The following SIMC1 variants were observed in gnomAD, a reference collection of about 807,000 sequenced individuals.
The protein encoded by SIMC1 is SUMO interacting motifs containing 1.
SIMC1 carries 55 observed loss-of-function variants against 82.3 expected under a neutral mutation model. The ratio of observed to expected loss-of-function variants is 0.67; its 90% CI spans 0.54 to 0.84. SIMC1 has a LOEUF of 0.84. SIMC1 is among the 40% of genes least tolerant of loss of function. The pLI is 0.00. For synonymous variants in SIMC1, 353 were observed against 426.3 expected (o/e 0.83, Z 2.12); for missense variants, 915 against 1,107.2 (o/e 0.83, Z 2.46).
chr5:176,276,021 T>C lies in SIMC1; in HGVS notation c.130-13633T>C, dbSNP rs374868326. Among the ~76,000 whole-genome samples, 24 of 151,794 alleles carry C rather than the reference T, an allele frequency of 1.6e-4. 2 individuals carry two copies. The highest frequency in any genetic ancestry group is 1.5e-3 in the East Asian group (8 of 5,188). The stretch of plus-strand genomic sequence containing the variant: ...TAGGGAGGATTCCCTCATTTTCTAT[T>C]GATTGGAATAGTTTCAGAAGGAATG... On this transcript the variant is annotated intron_variant, in intron 1 of 9. Coordinates refer to ENST00000429602, the MANE Select transcript of SIMC1 (RefSeq NM_001308195.2).
At position 176,290,075 on chromosome 5, in the gene SIMC1, C is replaced by T; in HGVS notation, c.551C>T (p.Ser184Phe). Residue 184 changes from serine to phenylalanine, a missense_variant, in exon 2 of 10, where the codon TCC (serine) becomes TTC (phenylalanine). By Grantham distance (155) the Ser-to-Phe change is radical (BLOSUM62 -2). Coordinates refer to ENST00000429602, the MANE Select transcript of SIMC1 (RefSeq NM_001308195.2). Reference protein sequence around the residue: ...ASLQLSSDVSSLSPTSNNSRS... With the variant: ...ASLQLSSDVSFLSPTSNNSRS... ...CTACAGCTGTCTTCAGATGTTAGCT[C>T]CCTCTCCCCAACAAGCAATAATAGT... 2.5e-6 allele frequency: 4 copies of T among 1,608,680 alleles called. No individual in the cohort carries two copies. Among genetic ancestry groups the T allele is most frequent in the Non-Finnish European group, 3.4e-6 (4 of 1,177,342 alleles).
At chr5:176,322,886 G>A (rs1415072981) in intron 6 of SIMC1, 1 of 154,356 alleles carries the variant, frequency 6.5e-6, no homozygotes, top group Non-Finnish European at 1.4e-5. Flanking sequence ...ACACACCAGG[G>A]CAGGTATCAT....
chr5:176,331,645 A>G (rs900661060), intron 7 of SIMC1, among the ~76,000 whole-genome samples: 12 of 151,776 alleles, frequency 7.9e-5, no homozygotes, highest in Admixed American at 4.6e-4. Flanking sequence ...CAGATAATTC[A>G]AAGAAAAACA....
chr5:176,313,958 T>C, intron 5 of SIMC1, 113 bp downstream of exon 5: 1 of 1,341,716 alleles, frequency 7.5e-7, no homozygotes, highest in Non-Finnish European at 1.0e-6. Flanking sequence ...GATAGTGTAA[T>C]AGGGCTAATT....
intron 4 of SIMC1, 56 bp from the exon 5 acceptor site, chr5:176,313,635 G>A: frequency 3.7e-6 from 6 of 1,602,570 alleles, no homozygotes; most frequent in Non-Finnish European, 5.1e-6. Context: ...GCCCAATGTT[G>A]ACTGTCATCC....
chr5:176,306,873 A>C (rs1764439773), intron 4 of SIMC1, among the ~76,000 whole-genome samples: 1 of 151,410 alleles, frequency 6.6e-6, no homozygotes, highest in East Asian at 2.0e-4. Flanking sequence ...ACCCTGCCAA[A>C]TCCCCCTCTG....
chr5:176,270,756 A>G (rs2113175120), intron 1 of SIMC1, among the ~76,000 whole-genome samples: 1 of 152,358 alleles, frequency 6.6e-6, no homozygotes, highest in East Asian at 1.9e-4. Flanking sequence ...GAATTTGGCC[A>G]GTGCCCACAG....
At chr5:176,321,637 C>T (rs1054079096) in intron 5 of SIMC1, among the ~76,000 whole-genome samples, 13 of 152,022 alleles carry the variant, frequency 8.6e-5, no homozygotes, top group Admixed American at 2.0e-4. Flanking sequence ...TATGTTTTTA[C>T]CTTATTAACT....
intron 9 of SIMC1, among the ~76,000 whole-genome samples, chr5:176,340,698 G>A (rs1766098220): frequency 6.6e-6 from 1 of 152,238 alleles, no homozygotes; most frequent in African/African-American, 2.4e-5. Flanking sequence ...CCCTCACAGA[G>A]CTTACTGTTT....
intron 1 of SIMC1, among the ~76,000 whole-genome samples, chr5:176,280,334 C>G (rs139955930): frequency 0.12 from 17,763 of 152,034 alleles, 1,088 homozygotes; most frequent in Admixed American, 0.15. Flanking sequence ...CTTGGTAGGT[C>G]TTCCTCCATC....
chr5:176,274,212 T>G (rs1762578110), intron 1 of SIMC1, among the ~76,000 whole-genome samples: 1 of 140,582 alleles, frequency 7.1e-6, no homozygotes, highest in African/African-American at 2.6e-5. Context: ...TGGTGTGAGA[T>G]GATATCTCAT....
chr5:176,344,381 A>G lies in SIMC1; in HGVS notation c.2414-802A>G, dbSNP rs537429547. ...CATGTTAAATACTGTTGACAAGAACATGGAGTAGGCCAGGCACGGTGGCTC... is the reference window on the plus strand; with the variant it reads ...CATGTTAAATACTGTTGACAAGAACGTGGAGTAGGCCAGGCACGGTGGCTC... On this transcript the variant is annotated intron_variant, in intron 9 of 9. Coordinates refer to ENST00000429602, the MANE Select transcript of SIMC1 (RefSeq NM_001308195.2). Among the ~76,000 whole-genome samples, 5 of 151,474 alleles carry G rather than the reference A, an allele frequency of 3.3e-5. No individual in the cohort carries two copies. The East Asian group carries it at 5.8e-4, about 18-fold the overall frequency.
chr5:176,325,344 C>G (rs368942230), intron 7 of SIMC1, among the ~76,000 whole-genome samples: 1 of 151,856 alleles, frequency 6.6e-6, no homozygotes, highest in Non-Finnish European at 1.5e-5. Flanking sequence ...TGAGATTGCT[C>G]CACTGCACTC....
chr5:176,308,999 T>A, intron 4 of SIMC1: 1 of 830,000 alleles, frequency 1.2e-6, no homozygotes, highest in Non-Finnish European at 2.2e-6. Context: ...GCAAGAACTT[T>A]CTTCTCTGGA....
rs147926804 is a variant in SIMC1 at position 176,271,396 on chromosome 5, C to T, written c.130-18258C>T. 2.5e-3 allele frequency among the ~76,000 whole-genome samples: 386 copies of T among 152,110 alleles called. 3 individuals are homozygous for T. Among genetic ancestry groups the T allele is most frequent in the African/African-American group, 8.8e-3 (365 of 41,512 alleles). On this transcript the variant is annotated intron_variant, in intron 1 of 9. Transcript: ENST00000429602. ...TGTATGAGTAGATAATTTAAGTAGA[C>T]CTATATCCAGTAAAGAAATAGAATC...
At chr5:176,273,708 T>A (rs1762552008) in intron 1 of SIMC1, among the ~76,000 whole-genome samples, 2 of 152,070 alleles carry the variant, frequency 1.3e-5, no homozygotes, top group African/African-American at 4.8e-5. Flanking sequence ...CCTGTGTCCA[T>A]GTGTTCTCAT....
chr5:176,253,348 G>A (rs1761751433), intron 1 of SIMC1, among the ~76,000 whole-genome samples: 1 of 151,892 alleles, frequency 6.6e-6, no homozygotes, highest in African/African-American at 2.4e-5. Context: ...ATGCGTCTTG[G>A]GGTTGCTCTT....
At chr5:176,246,286 A>G (rs1761438774) in intron 1 of SIMC1, among the ~76,000 whole-genome samples, 1 of 152,118 alleles carries the variant, frequency 6.6e-6, no homozygotes, top group African/African-American at 2.4e-5. Flanking sequence ...TTGGGATTAC[A>G]GGCATGAGCC....
At chr5:176,250,794 TTTTGCTTTCCA>T (rs1761624962) in intron 1 of SIMC1, among the ~76,000 whole-genome samples, 1 of 152,214 alleles carries the variant, frequency 6.6e-6, no homozygotes, top group Non-Finnish European at 1.5e-5. Flanking sequence ...CCTTTTTGTT[TTTTGCTTTCCA>T]TTTGCTTGGT....
Sources: gnomAD v4.1 joint callset for allele counts (sites outside exome capture counted in the v4.1 genomes callset) on GRCh38, gnomAD v4.1.1 for gene constraint, MANE v1.5 for transcripts, NCBI Gene and HGNC (gene_info 2026-07-23, HGNC 2026-07-21) for gene names.